The following SCN10A variants were observed in gnomAD, a reference collection of about 807,000 sequenced individuals.
SCN10A encodes the protein sodium channel protein type 10 subunit alpha.
In SCN10A, 162 loss-of-function variants were observed where a neutral mutation model predicts 170.7. The ratio of observed to expected loss-of-function variants is 0.95; its 90% CI spans 0.84 to 1.08. The LOEUF (loss-of-function observed/expected upper bound fraction) is 1.08. Among genes scored for constraint, SCN10A ranks in the 50% least tolerant of loss-of-function variants. SCN10A has a pLI of 0.00. For missense variants in SCN10A, 2,527 were observed against 2,436.9 expected (o/e 1.04, Z -0.78); for synonymous variants, 985 against 904.6 (o/e 1.09, Z -1.59).
At chr3:38,704,938 G>A (rs768733994) in intron 26 of SCN10A, among the ~76,000 whole-genome samples, 4 of 152,268 alleles carry the variant, frequency 2.6e-5, no homozygotes, top group Non-Finnish European at 5.9e-5. Flanking sequence ...AAGGGTCTTA[G>A]TTGGGAGTGG....
rs76853763 is a variant in SCN10A at position 38,740,959 on chromosome 3, T to G, written c.2107-1271A>C. Among the ~76,000 whole-genome samples, 21 of 152,274 alleles carry G rather than the reference T, an allele frequency of 1.4e-4. No individual in the cohort carries two copies. In the East Asian group the frequency reaches 4.1e-3, roughly 29 times the overall value. On this transcript the variant is annotated intron_variant, in intron 14 of 27. Coordinates refer to ENST00000449082, the MANE Select transcript of SCN10A (RefSeq NM_006514.4). The stretch of plus-strand genomic sequence containing the variant: ...AAGCATTCTCTTCTCTTTCCATTTT[T>G]CCTTTTCATATCAACTTTAGGATGT...
At chr3:38,732,615 G>T (rs1412489778) in intron 15 of SCN10A, among the ~76,000 whole-genome samples, 1 of 152,206 alleles carries the variant, frequency 6.6e-6, no homozygotes, top group Non-Finnish European at 1.5e-5. Context: ...TGATCATGTG[G>T]TGGGCAACAA....
At chr3:38,808,407 C>T (rs1009684938) in intron 1 of SCN10A, among the ~76,000 whole-genome samples, 3 of 152,130 alleles carry the variant, frequency 2.0e-5, no homozygotes, top group Admixed American at 2.0e-4. Flanking sequence ...CCAGTATTTC[C>T]TGGAGGCCAT....
intron 1 of SCN10A, among the ~76,000 whole-genome samples, chr3:38,810,680 A>G (rs553481087): frequency 6.6e-6 from 1 of 152,306 alleles, no homozygotes; most frequent in East Asian, 1.9e-4. Context: ...TAAGTTCTAT[A>G]AGTTCTATGA....
Position 38,742,527 on chromosome 3 carries a change from G to A in SCN10A, c.1870C>T (p.Leu624Phe). ...GGGCACTTCTGTTCAGACTCCTCGA[G>A]TTCTGCATTATAGTGTGGTCAATGA... ...VSIITSVLEE[L>F]EESEQKCPPC... Residue 624 changes from leucine to phenylalanine, a missense_variant and splice_region_variant, in exon 14 of 28, where the codon CTC becomes TTC. Coordinates refer to ENST00000449082, the MANE Select transcript of SCN10A (RefSeq NM_006514.4). 2 of 1,613,350 alleles carry A rather than the reference G, an allele frequency of 1.2e-6. No individual in the cohort carries two copies. The highest frequency in any genetic ancestry group is 1.7e-4 in the Middle Eastern group (1 of 6,060).
chr3:38,714,201 TC>T, intron 21 of SCN10A, 121 bp from the exon 22 acceptor site: 1 of 1,205,236 alleles, frequency 8.3e-7, no homozygotes, highest in African/African-American at 1.5e-5. Flanking sequence ...TCATCCTAGC[TC>T]CCACCTTATT....
chr3:38,733,420 T>C (rs62242443), intron 15 of SCN10A, among the ~76,000 whole-genome samples: 9,764 of 152,210 alleles, frequency 0.064, 389 homozygotes, highest in East Asian at 0.1. Flanking sequence ...TTATTTTTCA[T>C]TGATTAATAA....
Position 38,697,334 on chromosome 3 carries a change from G to C in SCN10A, c.*15C>G, listed in dbSNP as rs1229976399. 1.2e-6 allele frequency: 2 copies of C among 1,611,184 alleles called. No homozygotes were observed. The highest frequency in any genetic ancestry group is 1.7e-6 in the Non-Finnish European group (2 of 1,177,904). The stretch of plus-strand genomic sequence containing the variant: ...ACGCATCATAACTGAACATATCCAG[G>C]CTGGAGTGTTCTCACTAGGGCCCAG... On this transcript the variant is annotated 3_prime_UTR_variant, in exon 28 of 28. Coordinates refer to ENST00000449082, the MANE Select transcript of SCN10A (RefSeq NM_006514.4).
intron 6 of SCN10A, among the ~76,000 whole-genome samples, 199 bp downstream of exon 6, chr3:38,763,306 C>A (rs953275054): frequency 3.3e-5 from 5 of 152,174 alleles, no homozygotes; most frequent in African/African-American, 9.7e-5. Context: ...GGAGTTGGGA[C>A]AATAGGCTTC....
intron 23 of SCN10A, among the ~76,000 whole-genome samples, chr3:38,711,422 TC>T (rs1189295089): frequency 6.6e-6 from 1 of 152,242 alleles, no homozygotes; most frequent in Non-Finnish European, 1.5e-5. Flanking sequence ...GTTCTTACAC[TC>T]CTAGGCCTGT....
rs373289770 is a variant in SCN10A at position 38,756,874 on chromosome 3, G to T, written c.1093-3C>A. ...ATTTTCCCAGAAGTCCTCAGGGTCT[G>T]CAGGTTCAAGGGAAAGAAGAGAAAC... On this transcript the variant is annotated splice_polypyrimidine_tract_variant and splice_region_variant and intron_variant, in intron 9 of 27. Transcript: ENST00000449082. The T allele has an allele frequency of 3.8e-5, 61 of 1,613,868 alleles. No homozygotes were observed. Among genetic ancestry groups the T allele is most frequent in the Non-Finnish European group, 5.0e-5 (59 of 1,179,878 alleles).
intron 1 of SCN10A, among the ~76,000 whole-genome samples, chr3:38,805,085 A>G (rs1345228012): frequency 6.6e-6 from 1 of 152,124 alleles, no homozygotes; most frequent in African/African-American, 2.4e-5. Context: ...TGTGACTGCA[A>G]ACATGACTAA....
At chr3:38,700,630 C>G (rs963687807) in intron 27 of SCN10A, among the ~76,000 whole-genome samples, 2 of 152,122 alleles carry the variant, frequency 1.3e-5, no homozygotes, top group Non-Finnish European at 2.9e-5. Flanking sequence ...AAAAACAGAG[C>G]AGCAATATCA....
chr3:38,753,987 A>G (rs1055287569), intron 11 of SCN10A, among the ~76,000 whole-genome samples: 17 of 152,218 alleles, frequency 1.1e-4, no homozygotes, highest in African/African-American at 7.2e-5. Flanking sequence ...TAAAAACTGC[A>G]TTAGGTCTAT....
chr3:38,709,369 G>A (rs770947399), intron 25 of SCN10A, 109 bp downstream of exon 25: 13 of 1,102,284 alleles, frequency 1.2e-5, no homozygotes, highest in South Asian at 1.8e-5. Flanking sequence ...TTAAAGTGAT[G>A]GGCTGTGAGT....
intron 20 of SCN10A, among the ~76,000 whole-genome samples, chr3:38,719,479 T>C (rs796294894): frequency 0.011 from 1,610 of 144,084 alleles, 30 homozygotes; most frequent in African/African-American, 0.036. Flanking sequence ...CTGCAAGCTC[T>C]GCCTCCCAGG....
intron 15 of SCN10A, among the ~76,000 whole-genome samples, chr3:38,736,407 T>TGTGTGTGTG (rs1233064106): frequency 1.5e-5 from 1 of 66,202 alleles, no homozygotes; most frequent in Non-Finnish European, 3.7e-5. Flanking sequence ...GTGTGTGTGT[T>TGTGTGTGTG]GTGGGATTGA....
chr3:38,700,386 A>G (rs2063144031), intron 27 of SCN10A, among the ~76,000 whole-genome samples: 1 of 152,210 alleles, frequency 6.6e-6, no homozygotes, highest in Non-Finnish European at 1.5e-5. Flanking sequence ...CCCTATAGTT[A>G]GCAATACCGT....
intron 5 of SCN10A, among the ~76,000 whole-genome samples, chr3:38,765,622 C>T (rs2063923779): frequency 6.6e-6 from 1 of 152,004 alleles, no homozygotes; most frequent in African/African-American, 2.4e-5. Flanking sequence ...TATACTATAG[C>T]CTTGTAGTAT....
Sources: allele counts gnomAD v4.1 joint callset (sites outside exome capture counted in the v4.1 genomes callset), GRCh38; gene constraint gnomAD v4.1.1; transcripts MANE v1.5; gene names NCBI Gene and HGNC (gene_info 2026-07-23, HGNC 2026-07-21).